Variants in HIPK2 observed in about 807,000 individuals in gnomAD.
HIPK2 encodes the protein homeodomain interacting protein kinase 2, also known as homeodomain-interacting protein kinase 2.
Under a neutral mutation model 113.7 loss-of-function variants are expected in HIPK2, and 27 were observed. That is an observed-to-expected ratio of 0.24 (90% CI 0.17 to 0.33). The LOEUF is 0.33. Among genes scored for constraint, HIPK2 ranks in the 10% least tolerant of loss-of-function variants. The pLI is 1.00. For synonymous variants in HIPK2, 631 were observed against 642.2 expected (o/e 0.98, Z 0.26); for missense variants, 1,257 against 1,588.0 (o/e 0.79, Z 3.54).
chr7:139,587,798 A>G (rs1379926011), intron 12 of HIPK2, among the ~76,000 whole-genome samples: 1 of 151,666 alleles, frequency 6.6e-6, no homozygotes, highest in East Asian at 2.0e-4. Flanking sequence ...AGATGGCTTG[A>G]GCCCAGGAGT....
rs116726265 is a variant in HIPK2 at position 139,571,310 on chromosome 7, G to A, written c.*1617C>T. 3 of 152,368 alleles carry A rather than the reference G, an allele frequency of 2.0e-5. No homozygotes were observed. Among genetic ancestry groups the A allele is most frequent in the South Asian group, 2.1e-4 (1 of 4,836 alleles). The allele number at this position is 152,368 out of a possible 1,614,324, so 9.4% of individuals were successfully genotyped here. ...GCGAGGCTGAGAGCTCCAGGCTCTC[G>A]TGGAGGCGGGAGGGACTGGGGGATG... On this transcript the variant is annotated 3_prime_UTR_variant, in exon 15 of 15. Coordinates refer to ENST00000406875, the MANE Select transcript of HIPK2 (RefSeq NM_022740.5).
intron 13 of HIPK2, among the ~76,000 whole-genome samples, chr7:139,578,502 G>A (rs1039745716): frequency 1.3e-5 from 2 of 152,274 alleles, no homozygotes; most frequent in South Asian, 2.1e-4. Context: ...CCAGGAAAAA[G>A]GGAGCGCATT....
intron 1 of HIPK2, among the ~76,000 whole-genome samples, chr7:139,717,672 C>A (rs572805632): frequency 1.3e-5 from 2 of 152,182 alleles, no homozygotes; most frequent in Non-Finnish European, 2.9e-5. Context: ...CATTCACTCA[C>A]GCTTCCTGCT....
At chr7:139,745,121 C>T (rs1280679756) in intron 1 of HIPK2, among the ~76,000 whole-genome samples, 1 of 152,162 alleles carries the variant, frequency 6.6e-6, no homozygotes. Flanking sequence ...GGAGTTCACC[C>T]GGTTGGGGCA....
rs375141572 is a variant in HIPK2, at chr7:139,716,503, A to G, written c.532T>C (p.Ser178Pro). 6.8e-6 allele frequency: 11 copies of G among 1,613,708 alleles called. No individual in the cohort carries two copies. In the African/African-American group the frequency reaches 1.5e-4, roughly 22 times the overall value. ...TSTATSKNSG[S>P]NSEGDYQLVQ... The stretch of plus-strand genomic sequence containing the variant: ...AGCTGATAGTCGCCCTCGCTGTTGG[A>G]GCCGCTGTTTTTGGAGGTGGCAGTA... The change falls in exon 2 of 15, where the codon TCC (serine) becomes CCC (proline). Residue 178 changes from serine (S) to proline (P), a missense_variant. This residue lies in a region of HIPK2 where 209 missense variants were observed against 237.8 expected (regional missense o/e 0.88). Coordinates refer to ENST00000406875, the MANE Select transcript of HIPK2 (RefSeq NM_022740.5). This position sits in a 1 kb window ranked among gnomAD's most constrained non-coding sequence, Gnocchi z 9.3.
chr7:139,726,292 G>A (rs985652717), intron 1 of HIPK2, among the ~76,000 whole-genome samples: 2 of 152,148 alleles, frequency 1.3e-5, no homozygotes, highest in African/African-American at 4.8e-5. Context: ...AGGGGTAAGG[G>A]GGACCCGGAC....
At chr7:139,636,163 C>T (rs1466544289) in intron 2 of HIPK2, among the ~76,000 whole-genome samples, 4 of 152,116 alleles carry the variant, frequency 2.6e-5, no homozygotes, top group East Asian at 1.9e-4. Flanking sequence ...ATTTTTTTCA[C>T]GCGGGTGATC....
intron 1 of HIPK2, among the ~76,000 whole-genome samples, chr7:139,771,251 T>C (rs932003282): frequency 6.6e-6 from 1 of 152,166 alleles, no homozygotes; most frequent in Non-Finnish European, 1.5e-5. Context: ...TTCTTCTGTG[T>C]GCTTGCTCTT....
At chr7:139,723,788 T>C (rs1337972594) in intron 1 of HIPK2, among the ~76,000 whole-genome samples, 1 of 152,134 alleles carries the variant, frequency 6.6e-6, no homozygotes, top group Admixed American at 6.6e-5. Context: ...CCCAGGGAGG[T>C]GATCTCTAAA....
At chr7:139,584,471 C>T (rs1337467117) in intron 12 of HIPK2, among the ~76,000 whole-genome samples, 1 of 152,212 alleles carries the variant, frequency 6.6e-6, no homozygotes, top group Non-Finnish European at 1.5e-5. Context: ...ACCCAGCAAC[C>T]TGGGGACCTG....
chr7:139,748,419 C>G (rs1796226751), intron 1 of HIPK2, among the ~76,000 whole-genome samples: 1 of 152,084 alleles, frequency 6.6e-6, no homozygotes, highest in East Asian at 1.9e-4. Context: ...TCTCACAGTT[C>G]TGGAGGCCAG....
At chr7:139,612,900 T>C (rs748920759) in intron 9 of HIPK2, among the ~76,000 whole-genome samples, 16 of 152,200 alleles carry the variant, frequency 1.1e-4, no homozygotes, top group Non-Finnish European at 2.1e-4. Context: ...CCTTAGGTCA[T>C]AGACAAGTTA....
intron 2 of HIPK2, among the ~76,000 whole-genome samples, chr7:139,641,324 C>A (rs1399144933): frequency 6.7e-6 from 1 of 148,508 alleles, no homozygotes; most frequent in Non-Finnish European, 1.5e-5. Context: ...GAGATTGCGC[C>A]ACTACACTCC....
In HIPK2 at chr7:139,565,432, A is replaced by G. The variant is rs1798061919; in HGVS notation, c.*7495T>C. The G allele has an allele frequency of 6.6e-6, 1 of 152,210 alleles. No homozygotes were observed. The highest frequency in any genetic ancestry group is 1.5e-5 in the Non-Finnish European group (1 of 68,038). 9.4% of individuals were successfully genotyped at this position (152,210 alleles called of 1,614,324 possible). ...CAAGAAACCCACTCAAAACAACTGA[A>G]CAAATATTTCATAATAAATGATAAT... On this transcript the variant is annotated 3_prime_UTR_variant, in exon 15 of 15. Coordinates refer to ENST00000406875, the MANE Select transcript of HIPK2 (RefSeq NM_022740.5).
In HIPK2 at chr7:139,716,399, T is replaced by C; in HGVS notation, c.636A>G (p.Gln212=). 3 of 1,614,084 alleles carry C rather than the reference T, an allele frequency of 1.9e-6. No homozygotes were observed. The highest frequency in any genetic ancestry group is 2.5e-6 in the Non-Finnish European group (3 of 1,179,958). ...LEFLGRGTFG[Q]VVKCWKRGTN... Reference sequence around the variant, plus strand: ...TGCCCCGTTTCCAGCACTTGACCACTTGCCCAAACGTCCCTCGGCCCAAGA... The same window carrying C: ...TGCCCCGTTTCCAGCACTTGACCACCTGCCCAAACGTCCCTCGGCCCAAGA... Residue 212 remains glutamine (Q), a synonymous_variant, in exon 2 of 15, where the codon CAA becomes CAG. Transcript: ENST00000406875. The surrounding 1 kb of genome is among the most constrained non-coding windows in gnomAD (Gnocchi z 9.3).
At chr7:139,628,171 G>A (rs1800494569) in intron 5 of HIPK2, among the ~76,000 whole-genome samples, 1 of 152,154 alleles carries the variant, frequency 6.6e-6, no homozygotes, top group Non-Finnish European at 1.5e-5. Flanking sequence ...AGACAGACAC[G>A]GATGCTCTTC....
intron 1 of HIPK2, among the ~76,000 whole-genome samples, chr7:139,760,265 A>G (rs888985209): frequency 1.3e-5 from 2 of 152,100 alleles, no homozygotes; most frequent in Admixed American, 6.5e-5. Context: ...CGGCCTCCCA[A>G]AGTGCTGGGA....
chr7:139,631,757 A>G lies in HIPK2; in HGVS notation c.1104-32T>C, dbSNP rs1800626875. 1 of 1,597,668 alleles carries G rather than the reference A, an allele frequency of 6.3e-7. No individual in the cohort carries two copies. The highest frequency in any genetic ancestry group is 8.5e-7 in the Non-Finnish European group (1 of 1,172,082). On this transcript the variant is annotated intron_variant, in intron 2 of 14. Coordinates refer to ENST00000406875, the MANE Select transcript of HIPK2 (RefSeq NM_022740.5). This position sits in a 1 kb window ranked among gnomAD's most constrained non-coding sequence, Gnocchi z 4.9. The stretch of plus-strand genomic sequence containing the variant: ...AGGAAGAATGGAAGAAACCATTAGC[A>G]AGTTGGAAATGCAGGAAGCTGTTTC...
rs760785417 is a variant in HIPK2, at chr7:139,573,137, G to A, written c.3387C>T (p.His1129=). 5 of 1,611,750 alleles carry A rather than the reference G, an allele frequency of 3.1e-6. No homozygotes were observed. Among genetic ancestry groups the A allele is most frequent in the Non-Finnish European group, 4.2e-6 (5 of 1,179,354 alleles). ...CTGGGTAGGCAGTGTGCTGCACGGT[G>A]TGGCGCGCAGAGCCTTGCGAGGCCA... ...HLVASQGSAR[H]TVQHTAYPAS... The change falls in exon 15 of 15, where the codon CAC becomes CAT. Residue 1129 remains histidine (H), a synonymous_variant. Coordinates refer to ENST00000406875, the MANE Select transcript of HIPK2 (RefSeq NM_022740.5).
Sources: allele counts gnomAD v4.1 joint callset (sites outside exome capture counted in the v4.1 genomes callset), GRCh38; gene constraint gnomAD v4.1.1; regional missense constraint gnomAD v4.1.1; non-coding constraint Gnocchi (gnomAD v3.1); transcripts MANE v1.5; gene names NCBI Gene and HGNC (gene_info 2026-07-23, HGNC 2026-07-21).